NGEF: variants seen among roughly 807,000 people sequenced by gnomAD.
NGEF encodes the protein ephexin-1.
A neutral mutation model predicts 80.9 loss-of-function variants in NGEF; 31 were observed. The observed-to-expected ratio is 0.38, with a 90% CI of 0.29 to 0.52. The LOEUF is 0.52. Ranked by LOEUF, NGEF falls within the 20% of genes least tolerant of loss-of-function variation. NGEF has a pLI of 0.84. For synonymous variants in NGEF, 371 were observed against 370.2 expected (o/e 1.00, Z -0.03); for missense variants, 709 against 926.2 (o/e 0.77, Z 3.04).
intron 1 of NGEF, among the ~76,000 whole-genome samples, chr2:232,981,599 C>T (rs1037345132): frequency 1.3e-5 from 2 of 152,108 alleles, no homozygotes; most frequent in African/African-American, 2.4e-5. Context: ...GCCACCCCAC[C>T]CAGGAACAGA....
At chr2:232,885,516 G>A (rs996894808) in intron 9 of NGEF, 147 bp from the exon 10 acceptor site, 27 of 648,420 alleles carry the variant, frequency 4.2e-5, no homozygotes, top group Non-Finnish European at 6.5e-5. Context: ...AGTCTCAGTC[G>A]GACTGGAGCT....
chr2:232,943,243 A>C (rs923623816), intron 3 of NGEF, among the ~76,000 whole-genome samples: 1 of 151,954 alleles, frequency 6.6e-6, no homozygotes, highest in African/African-American at 2.4e-5. Flanking sequence ...TTGTTCTTAA[A>C]AAAAAAAAGA....
chr2:232,926,972 C>T (rs1223082202), intron 4 of NGEF, 72 bp downstream of exon 4: 10 of 1,585,714 alleles, frequency 6.3e-6, no homozygotes, highest in African/African-American at 1.3e-5. Flanking sequence ...ATCCCATGAG[C>T]AGGAGGACCC....
intron 9 of NGEF, 134 bp downstream of exon 9, chr2:232,887,899 G>A: frequency 1.3e-6 from 1 of 751,116 alleles, no homozygotes; most frequent in Non-Finnish European, 2.3e-6. Context: ...TCTTTTGATT[G>A]CAAAAGTGAA....
At chr2:232,959,140 C>T (rs2176309) in intron 3 of NGEF, among the ~76,000 whole-genome samples, 120,735 of 152,222 alleles carry the variant, frequency 0.79, 48,484 homozygotes, top group African/African-American at 0.92. Context: ...GATATTTCTT[C>T]AGTCTCTTTT....
At chr2:232,918,831 C>T (rs1211200792) in intron 5 of NGEF, among the ~76,000 whole-genome samples, 2 of 151,514 alleles carry the variant, frequency 1.3e-5, no homozygotes. Flanking sequence ...GTTTCACCAT[C>T]TTGGCCAGGC....
chr2:232,888,457 T>C (rs12622056), intron 8 of NGEF, among the ~76,000 whole-genome samples: 5,191 of 152,076 alleles, frequency 0.034, 212 homozygotes, highest in East Asian at 0.22. Flanking sequence ...ACACGATGCA[T>C]GCACACTTGC....
At position 232,881,234 on chromosome 2, in the gene NGEF, C is replaced by G. The variant is rs1230778567; in HGVS notation, c.1854G>C (p.Gln618His). ...GCTGAGCCACGTATGGGTGCACGCA[C>G]TGGACCTGGGGGCAGTCTGAGGGAC... Reference protein sequence around the residue: ...TSRLLDCPQVQCVHPYVAQQP... With the variant: ...TSRLLDCPQVHCVHPYVAQQP... Residue 618 changes from glutamine to histidine, a missense_variant, in exon 14 of 15, where the codon CAG becomes CAC. Physicochemically the swap from Gln to His is conservative, Grantham distance 24. This residue lies in a region of NGEF where 426 missense variants were observed against 622.9 expected (regional missense o/e 0.68). Transcript: ENST00000264051. The G allele has an allele frequency of 6.2e-7, 1 of 1,608,890 alleles. No individual in the cohort carries two copies. Among genetic ancestry groups the G allele is most frequent in the Admixed American group, 1.7e-5 (1 of 60,010 alleles).
chr2:232,928,177 G>A lies in NGEF; in HGVS notation c.384-991C>T, dbSNP rs983318769. 399 of 979,428 alleles carry A rather than the reference G, an allele frequency of 4.1e-4. 1 individual carries two copies. The highest frequency in any genetic ancestry group is 2.3e-3 in the South Asian group (48 of 21,274). The allele number at this position is 979,428 out of a possible 1,614,324, so 60.7% of individuals were successfully genotyped here. A position where few individuals can be genotyped will look rare whatever the true frequency, so the allele number is the denominator to read the frequency against. ...TCCCGCGGGCGGGCGCGCGCCTGGA[G>A]GCTCCCGGGGTTGCCACGGCAACGA... On this transcript the variant is annotated intron_variant, in intron 3 of 14. Transcript: ENST00000264051.
intron 6 of NGEF, among the ~76,000 whole-genome samples, chr2:232,893,787 A>T (rs1185691690): frequency 1.3e-5 from 2 of 152,188 alleles, no homozygotes; most frequent in African/African-American, 2.4e-5. Context: ...AAAAAAATAA[A>T]AAAGAAGTGC....
At chr2:232,977,994 G>T (rs1469527125) in intron 1 of NGEF, among the ~76,000 whole-genome samples, 2 of 152,116 alleles carry the variant, frequency 1.3e-5, no homozygotes, top group African/African-American at 4.8e-5. Context: ...AAGCCAGGTT[G>T]GGGTCAGAGC....
intron 9 of NGEF, 160 bp from the exon 10 acceptor site, chr2:232,885,529 T>A (rs1691650314): frequency 1.9e-5 from 12 of 624,564 alleles, no homozygotes; most frequent in Non-Finnish European, 3.4e-5. Context: ...CTGGAGCTCC[T>A]CTTTCTAGCA....
chr2:232,949,052 C>A lies in NGEF; in HGVS notation c.383+21162G>T, dbSNP rs111668057. On this transcript the variant is annotated intron_variant, in intron 3 of 14. Coordinates refer to ENST00000264051, the MANE Select transcript of NGEF (RefSeq NM_019850.3). Reference sequence around the variant, plus strand: ...CCCCAAAAAAAACAAACAAAAAAAACCAATCAAATTTAAATGTAGTCAGAT... The same window carrying A: ...CCCCAAAAAAAACAAACAAAAAAAAACAATCAAATTTAAATGTAGTCAGAT... Among the ~76,000 whole-genome samples the A allele has an allele frequency of 7.6e-3, 1,159 of 151,958 alleles. 4 individuals carry two copies. Among genetic ancestry groups the A allele is most frequent in the East Asian group, 0.018 (95 of 5,174 alleles).
chr2:232,879,275 A>T lies in NGEF; in HGVS notation c.*214T>A. ...CTGAAACCTTCTTGTTTACAAATGC[A>T]TCAGGAGAGGCTTGGGCACCCTTTA... On this transcript the variant is annotated 3_prime_UTR_variant, in exon 15 of 15. Coordinates refer to ENST00000264051, the MANE Select transcript of NGEF (RefSeq NM_019850.3). 3 of 539,666 alleles carry T rather than the reference A, an allele frequency of 5.6e-6. No individual in the cohort carries two copies. The highest frequency in any genetic ancestry group is 9.9e-6 in the Non-Finnish European group (3 of 303,186). The allele number at this position is 539,666 out of a possible 1,614,324, so 33.4% of individuals were successfully genotyped here.
intron 5 of NGEF, among the ~76,000 whole-genome samples, chr2:232,902,707 A>G (rs1692390253): frequency 2.6e-5 from 4 of 152,256 alleles, no homozygotes; most frequent in Admixed American, 2.6e-4. Flanking sequence ...TGTTATGTTA[A>G]AACCACAACG....
chr2:232,906,706 C>T (rs1692563430), intron 5 of NGEF, among the ~76,000 whole-genome samples: 1 of 140,532 alleles, frequency 7.1e-6, no homozygotes, highest in Non-Finnish European at 1.5e-5. Context: ...TGAGAACGGG[C>T]CATGATGACA....
At chr2:232,956,222 A>ACCT (rs1693827520) in intron 3 of NGEF, among the ~76,000 whole-genome samples, 1 of 152,088 alleles carries the variant, frequency 6.6e-6, no homozygotes, top group Non-Finnish European at 1.5e-5. Context: ...CCCTGAAGGG[A>ACCT]CCTGGCTGGG....
intron 5 of NGEF, among the ~76,000 whole-genome samples, chr2:232,911,049 T>G (rs2106266591): frequency 6.6e-6 from 1 of 152,338 alleles, no homozygotes; most frequent in South Asian, 2.1e-4. Flanking sequence ...GGTTTTGGTG[T>G]TGTATCTGAG....
chr2:232,924,346 G>C, intron 4 of NGEF, among the ~76,000 whole-genome samples: 1 of 152,170 alleles, frequency 6.6e-6, no homozygotes, highest in Admixed American at 6.5e-5. Flanking sequence ...TTGAAGCAGA[G>C]ATAGCCAGCC....
Sources: gnomAD v4.1 joint callset for allele counts (sites outside exome capture counted in the v4.1 genomes callset) on GRCh38, gnomAD v4.1.1 for gene constraint, gnomAD v4.1.1 regional missense constraint, MANE v1.5 for transcripts, NCBI Gene and HGNC (gene_info 2026-07-23, HGNC 2026-07-21) for gene names.